The following CSMD1 variants were observed in gnomAD, a reference collection of about 807,000 sequenced individuals.
CSMD1 encodes the protein CUB and sushi domain-containing protein 1.
A neutral mutation model predicts 417.5 loss-of-function variants in CSMD1; 213 were observed. The observed-to-expected ratio is 0.51, with a 90% confidence interval of 0.46 to 0.57. The LOEUF (loss-of-function observed/expected upper bound fraction) is 0.57. CSMD1 is among the 20% of genes least tolerant of loss of function. CSMD1 has a pLI of 0.00. For synonymous variants in CSMD1, 2,862 were observed against 1,736.8 expected, an observed-to-expected ratio of 1.65 and a Z score of -16.11; for missense variants, 6,923 against 4,529.7, an observed-to-expected ratio of 1.53 and a Z score of -15.17.
At chr8:3,373,025 G>C (rs1380434416) in intron 18 of CSMD1, among the ~76,000 whole-genome samples, 1 of 152,172 alleles carries the variant, frequency 6.6e-6, no homozygotes, top group Non-Finnish European at 1.5e-5. Flanking sequence ...TTTTTATGAA[G>C]ACGATCACCA....
At chr8:3,988,383 T>A (rs764023001) in intron 5 of CSMD1, among the ~76,000 whole-genome samples, 4 of 152,218 alleles carry the variant, frequency 2.6e-5, no homozygotes, top group Non-Finnish European at 4.4e-5. Context: ...AAACCTGAAA[T>A]TATTATGAAT....
chr8:4,788,293 T>G (rs748529970), intron 1 of CSMD1: 31 of 1,586,924 alleles, frequency 2.0e-5, no homozygotes, highest in Non-Finnish European at 2.6e-5. Flanking sequence ...TTTGTGGCAG[T>G]GGCAGGCAGA....
intron 2 of CSMD1, among the ~76,000 whole-genome samples, chr8:4,634,723 C>T (rs190793287): frequency 9.9e-5 from 15 of 152,256 alleles, no homozygotes; most frequent in Non-Finnish European, 1.8e-4. Flanking sequence ...GCTCCCTTTC[C>T]CGATTAATTA....
In CSMD1 at chr8:4,994,350, G is replaced by T; in HGVS notation, c.67C>A (p.Leu23Ile). Reference protein sequence around the residue: ...LLGLLVLCARLLTAAKGQNCG... With the variant: ...LLGLLVLCARILTAAKGQNCG... ...GTCTTACCCTTCGCTGCAGTGAGGAGCCTCGCGCACAGCACCAGCAGCCCG... is the reference window on the plus strand; with the variant it reads ...GTCTTACCCTTCGCTGCAGTGAGGATCCTCGCGCACAGCACCAGCAGCCCG... Residue 23 changes from leucine (L) to isoleucine (I), a missense_variant, in exon 1 of 70, where the codon CTC (leucine) becomes ATC (isoleucine). Physicochemically the swap from Leu to Ile is conservative, Grantham distance 5. Coordinates refer to ENST00000635120, the MANE Select transcript of CSMD1 (RefSeq NM_033225.6). 6.2e-7 allele frequency: 1 copy of T among 1,611,248 alleles called. No homozygotes were observed. The highest frequency in any genetic ancestry group is 8.5e-7 in the Non-Finnish European group (1 of 1,179,812).
chr8:3,740,958 G>A (rs1796770314), intron 6 of CSMD1, among the ~76,000 whole-genome samples: 1 of 152,060 alleles, frequency 6.6e-6, no homozygotes, highest in Non-Finnish European at 1.5e-5. Context: ...GCTCACACCT[G>A]TAACCCCAGC....
At chr8:3,427,354 A>C (rs1414967127) in intron 12 of CSMD1, among the ~76,000 whole-genome samples, 1 of 152,194 alleles carries the variant, frequency 6.6e-6, no homozygotes, top group African/African-American at 2.4e-5. Flanking sequence ...TTTTTCTTCA[A>C]GTCAAAACTT....
chr8:3,934,906 G>C (rs937426896), intron 5 of CSMD1, among the ~76,000 whole-genome samples: 2 of 152,120 alleles, frequency 1.3e-5, no homozygotes, highest in Middle Eastern at 6.8e-3. Flanking sequence ...AGTTTTCCAA[G>C]AAGAACATTA....
At chr8:3,026,648 ACT>A (rs1195749262) in intron 51 of CSMD1, among the ~76,000 whole-genome samples, 1 of 152,156 alleles carries the variant, frequency 6.6e-6, no homozygotes, top group Non-Finnish European at 1.5e-5. Flanking sequence ...AACACCGTGA[ACT>A]CTGCCCTGTG....
intron 3 of CSMD1, among the ~76,000 whole-genome samples, chr8:4,189,860 G>T (rs1212153288): frequency 2.6e-5 from 4 of 151,986 alleles, no homozygotes; most frequent in African/African-American, 9.7e-5. Flanking sequence ...AATATTTTTT[G>T]TGGTACGTAA....
intron 5 of CSMD1, among the ~76,000 whole-genome samples, chr8:3,917,522 C>A (rs2129142331): frequency 6.6e-6 from 1 of 152,150 alleles, no homozygotes; most frequent in Non-Finnish European, 1.5e-5. Flanking sequence ...ACACAAATAA[C>A]AACCAATGTT....
chr8:3,888,864 T>G lies in CSMD1; in HGVS notation c.818+109039A>C, dbSNP rs192275654. Among the ~76,000 whole-genome samples, 27 of 152,284 alleles carry G rather than the reference T, an allele frequency of 1.8e-4. No homozygotes were observed. The East Asian group carries it at 4.6e-3, about 26-fold the overall frequency. On this transcript the variant is annotated intron_variant, in intron 5 of 69. Coordinates refer to ENST00000635120, the MANE Select transcript of CSMD1 (RefSeq NM_033225.6). ...GCCCTCTGTCTATAAATGTATTCTA[T>G]TTCTGTGACTTCAATATCAATGATG...
intron 1 of CSMD1, among the ~76,000 whole-genome samples, chr8:4,726,403 A>G (rs1354231206): frequency 6.6e-6 from 1 of 152,026 alleles, no homozygotes; most frequent in Non-Finnish European, 1.5e-5. Context: ...AGAGCACTCT[A>G]CCCTTTAGTG....
chr8:4,765,699 A>C (rs1812417256), intron 1 of CSMD1, among the ~76,000 whole-genome samples: 1 of 152,232 alleles, frequency 6.6e-6, no homozygotes. Flanking sequence ...TGGCTAATTC[A>C]GATTGTGCCC....
chr8:3,977,933 T>G (rs1016476965), intron 5 of CSMD1, among the ~76,000 whole-genome samples: 1 of 152,188 alleles, frequency 6.6e-6, no homozygotes, highest in Non-Finnish European at 1.5e-5. Context: ...CATCGTGCCA[T>G]GGAGAGGTCA....
chr8:4,707,865 G>T (rs1056357628), intron 1 of CSMD1, among the ~76,000 whole-genome samples: 6 of 124,168 alleles, frequency 4.8e-5, no homozygotes, highest in Non-Finnish European at 8.1e-5. Context: ...CCAGCCTGGG[G>T]ACAAGAGCAA....
chr8:3,064,302 C>T (rs1298808048), intron 49 of CSMD1, among the ~76,000 whole-genome samples: 1 of 152,128 alleles, frequency 6.6e-6, no homozygotes, highest in Non-Finnish European at 1.5e-5. Flanking sequence ...ATCATGAAGG[C>T]AGCTGTTCTC....
intron 4 of CSMD1, among the ~76,000 whole-genome samples, chr8:4,008,889 C>G (rs555424914): frequency 1.3e-5 from 2 of 152,000 alleles, no homozygotes; most frequent in South Asian, 2.1e-4. Flanking sequence ...GGATTACAGG[C>G]GTGAGCCACC....
chr8:4,983,137 A>G (rs2117441772), intron 1 of CSMD1, among the ~76,000 whole-genome samples: 1 of 152,358 alleles, frequency 6.6e-6, no homozygotes, highest in South Asian at 2.1e-4. Context: ...CAATTGAATC[A>G]AATAAGCATG....
At chr8:3,762,252 T>TAC (rs1327313113) in intron 5 of CSMD1, among the ~76,000 whole-genome samples, 1 of 152,012 alleles carries the variant, frequency 6.6e-6, no homozygotes, top group African/African-American at 2.4e-5. Flanking sequence ...CGCTGTCCCT[T>TAC]ACCTGGAGAT....
Sources: gnomAD v4.1 joint callset for allele counts (sites outside exome capture counted in the v4.1 genomes callset) on GRCh38, gnomAD v4.1.1 for gene constraint, MANE v1.5 for transcripts, NCBI Gene and HGNC (gene_info 2026-07-23, HGNC 2026-07-21) for gene names.